RANBP17: variants seen among roughly 807,000 people sequenced by gnomAD.
RANBP17 encodes ran-binding protein 17.
RANBP17 carries 158 observed loss-of-function variants against 141.2 expected under a neutral mutation model. The observed-to-expected ratio is 1.12, with a 90% CI of 0.98 to 1.28. The LOEUF (loss-of-function observed/expected upper bound fraction) is 1.28. RANBP17 is among the 50% of genes most tolerant of loss of function. RANBP17 has a pLI of 0.00. For missense variants in RANBP17, 1,438 were observed against 1,290.7 expected (o/e 1.11, Z -1.75); for synonymous variants, 430 against 450.0 (o/e 0.96, Z 0.56).
At chr5:170,999,916 T>A (rs982464985) in intron 14 of RANBP17, among the ~76,000 whole-genome samples, 3 of 152,284 alleles carry the variant, frequency 2.0e-5, no homozygotes, top group Admixed American at 6.5e-5. Context: ...CTCCCACCAG[T>A]CCTTGGCAAC....
chr5:171,145,837 A>G (rs1198418056), intron 14 of RANBP17, among the ~76,000 whole-genome samples: 1 of 152,160 alleles, frequency 6.6e-6, no homozygotes, highest in African/African-American at 2.4e-5. Flanking sequence ...TTAAAAACTA[A>G]TCCCCCCAAA....
At chr5:171,212,304 T>C (rs571158864) in intron 20 of RANBP17, among the ~76,000 whole-genome samples, 2 of 152,310 alleles carry the variant, frequency 1.3e-5, no homozygotes, top group Non-Finnish European at 2.9e-5. Context: ...AAGAGAGATA[T>C]GGTCATGAGT....
At chr5:170,921,577 T>C (rs2127440880) in intron 11 of RANBP17, among the ~76,000 whole-genome samples, 1 of 152,324 alleles carries the variant, frequency 6.6e-6, no homozygotes, top group Admixed American at 6.5e-5. Flanking sequence ...ACGGGCTCTT[T>C]TTTGGTTCCA....
intron 14 of RANBP17, among the ~76,000 whole-genome samples, chr5:171,113,236 C>G (rs1318373162): frequency 6.6e-6 from 1 of 152,156 alleles, no homozygotes; most frequent in African/African-American, 2.4e-5. Flanking sequence ...GCCTACTAAA[C>G]TACCAATGGT....
chr5:171,063,308 TTGA>T (rs1326807255), intron 14 of RANBP17, among the ~76,000 whole-genome samples: 1 of 152,200 alleles, frequency 6.6e-6, no homozygotes, highest in African/African-American at 2.4e-5. Flanking sequence ...CTTTTGGTCT[TTGA>T]TGATGGTAAT....
intron 14 of RANBP17, among the ~76,000 whole-genome samples, chr5:171,102,088 A>G (rs556429917): frequency 1.7e-4 from 26 of 152,174 alleles, no homozygotes; most frequent in African/African-American, 5.8e-4. Flanking sequence ...GCTCTTCTCA[A>G]GGAGTATCTT....
At chr5:170,896,232 T>C in intron 5 of RANBP17, 117 bp downstream of exon 5, 1 of 676,362 alleles carries the variant, frequency 1.5e-6, no homozygotes, top group South Asian at 2.1e-5. Flanking sequence ...AAACTCTGAA[T>C]AATCAAGTTT....
chr5:171,136,359 T>G (rs759554621), intron 14 of RANBP17, among the ~76,000 whole-genome samples: 30 of 152,160 alleles, frequency 2.0e-4, no homozygotes, highest in Non-Finnish European at 3.7e-4. Flanking sequence ...GTGTGTTATA[T>G]CTACGTATTT....
intron 14 of RANBP17, chr5:170,970,634 G>A (rs1776917399): frequency 4.6e-5 from 7 of 152,006 alleles, no homozygotes; most frequent in Non-Finnish European, 1.0e-4. Flanking sequence ...TCATCATCAA[G>A]GTCTGATTGC....
At chr5:171,260,529 G>A (rs2128014198) in intron 24 of RANBP17, among the ~76,000 whole-genome samples, 1 of 151,480 alleles carries the variant, frequency 6.6e-6, no homozygotes, top group Middle Eastern at 3.5e-3. Flanking sequence ...GGGAGAGGAT[G>A]AAGAGAAGTA....
chr5:170,975,511 G>A (rs976770543), intron 14 of RANBP17, among the ~76,000 whole-genome samples: 37 of 152,320 alleles, frequency 2.4e-4, no homozygotes, highest in African/African-American at 8.9e-4. Context: ...GGGTGACAGA[G>A]TGAGACTCCT....
chr5:170,969,044 A>G (rs982393391), intron 14 of RANBP17, among the ~76,000 whole-genome samples: 2 of 151,818 alleles, frequency 1.3e-5, no homozygotes, highest in Non-Finnish European at 3.0e-5. Flanking sequence ...AGTTTGTTTT[A>G]GTGATGTTGT....
At chr5:170,883,934 G>A (rs570104359) in intron 3 of RANBP17, among the ~76,000 whole-genome samples, 1 of 152,234 alleles carries the variant, frequency 6.6e-6, no homozygotes, top group South Asian at 2.1e-4. Flanking sequence ...GTTTTTGTGT[G>A]CCCAAACATT....
intron 14 of RANBP17, among the ~76,000 whole-genome samples, chr5:170,983,447 T>C (rs1777910134): frequency 6.6e-6 from 1 of 152,176 alleles, no homozygotes; most frequent in South Asian, 2.1e-4. Context: ...AATTGAATCA[T>C]AGTACCATGG....
At chr5:171,111,801 A>T (rs552745383) in intron 14 of RANBP17, among the ~76,000 whole-genome samples, 1 of 152,350 alleles carries the variant, frequency 6.6e-6, no homozygotes, top group South Asian at 2.1e-4. Context: ...GAACAAAGCA[A>T]TCAAAGAATT....
At chr5:170,968,106 A>C in intron 13 of RANBP17, 136 bp from the exon 14 acceptor site, 3 of 608,056 alleles carry the variant, frequency 4.9e-6, no homozygotes, top group Non-Finnish European at 7.8e-6. Context: ...GATTCAAAAA[A>C]TATTTTCTTT....
In RANBP17 at chr5:171,135,058, G is replaced by A. The variant is rs535067805; in HGVS notation, c.1711-35072G>A. ...CTGAGATGGGTGGATAACTTGAGAT[G>A]AGGAGTTCAAGACCAGCCTGGCCAA... On this transcript the variant is annotated intron_variant, in intron 14 of 27. Coordinates refer to ENST00000523189, the MANE Select transcript of RANBP17 (RefSeq NM_022897.5). Among the ~76,000 whole-genome samples, 61 of 149,610 alleles carry A rather than the reference G, an allele frequency of 4.1e-4. 1 individual carries two copies. The highest frequency in any genetic ancestry group is 1.1e-3 in the Admixed American group (17 of 15,072).
chr5:171,059,897 T>C (rs1783691490), intron 14 of RANBP17, among the ~76,000 whole-genome samples: 1 of 53,286 alleles, frequency 1.9e-5, no homozygotes, highest in Non-Finnish European at 3.9e-5. Context: ...GTAAGTTGGA[T>C]TCCTAGGTAT....
chr5:170,958,475 G>T (rs1013359659), intron 13 of RANBP17, among the ~76,000 whole-genome samples: 1 of 152,104 alleles, frequency 6.6e-6, no homozygotes, highest in Non-Finnish European at 1.5e-5. Context: ...TCAAGGTGGG[G>T]CATATTCTAG....
Sources: allele counts gnomAD v4.1 joint callset (sites outside exome capture counted in the v4.1 genomes callset), GRCh38; gene constraint gnomAD v4.1.1; transcripts MANE v1.5; gene names NCBI Gene and HGNC (gene_info 2026-07-23, HGNC 2026-07-21).